Variants in PLXNA4 observed in about 807,000 individuals in gnomAD.
The protein encoded by PLXNA4 is plexin-A4.
In PLXNA4, 44 loss-of-function variants were observed where a neutral mutation model predicts 191.8. The ratio of observed to expected loss-of-function variants is 0.23; its 90% confidence interval spans 0.18 to 0.29. PLXNA4 has a LOEUF of 0.29. Ranked by LOEUF, PLXNA4 falls within the 10% of genes least tolerant of loss-of-function variation. The pLI, the probability that PLXNA4 is intolerant of heterozygous loss-of-function variation, is 1.00. For missense variants in PLXNA4, 1,800 were observed against 2,488.8 expected (o/e 0.72, Z 5.89); for synonymous variants, 1,082 against 1,009.5 (o/e 1.07, Z -1.36).
intron 3 of PLXNA4, among the ~76,000 whole-genome samples, chr7:132,370,033 A>G (rs1804366479): frequency 6.8e-6 from 1 of 147,662 alleles, no homozygotes; most frequent in Non-Finnish European, 1.5e-5. Flanking sequence ...GCACCACTGC[A>G]CTCCAGCCTG....
In PLXNA4 at chr7:132,246,156, C is replaced by T. The variant is rs117077915; in HGVS notation, c.1504-4990G>A. 1.4e-3 allele frequency among the ~76,000 whole-genome samples: 216 copies of T among 152,252 alleles called. 3 individuals are homozygous for T. In the East Asian group the frequency reaches 0.024, roughly 17 times the overall value. ...TGGACTTGACAAATTATTTCATCTT[C>T]GGCATGGCAGCATGGATATGAAAAC... On this transcript the variant is annotated intron_variant, in intron 4 of 31. Coordinates refer to ENST00000321063, the MANE Select transcript of PLXNA4 (RefSeq NM_020911.2).
At chr7:132,341,586 C>G (rs2116747750) in intron 3 of PLXNA4, among the ~76,000 whole-genome samples, 1 of 152,334 alleles carries the variant, frequency 6.6e-6, no homozygotes, top group East Asian at 1.9e-4. Flanking sequence ...GGTCAGCACA[C>G]TCACACCTTC....
intron 3 of PLXNA4, among the ~76,000 whole-genome samples, chr7:132,317,731 G>C (rs1355895621): frequency 6.6e-6 from 1 of 152,192 alleles, no homozygotes; most frequent in African/African-American, 2.4e-5. Flanking sequence ...ACCATGACCA[G>C]GTTGTGTGCA....
chr7:132,444,853 G>T (rs1372033365), intron 3 of PLXNA4, among the ~76,000 whole-genome samples: 1 of 151,928 alleles, frequency 6.6e-6, no homozygotes. Flanking sequence ...GCACTGTCAG[G>T]TGTGTTAAAA....
chr7:132,482,697 T>TC (rs1319031049), intron 3 of PLXNA4, among the ~76,000 whole-genome samples: 1 of 148,002 alleles, frequency 6.8e-6, no homozygotes, highest in East Asian at 2.0e-4. Flanking sequence ...TCGAGAAACT[T>TC]TTTTTTTTTT....
In PLXNA4 at chr7:132,626,736, A is replaced by G. The variant is rs116823109; in HGVS notation, c.-87+19192T>C. ...CAGTTCCAGGTATTTCCTTATATCA[A>G]TGCAAGAATGACCTAACACATCTGT... On this transcript the variant is annotated intron_variant, in intron 2 of 4. Transcript: ENST00000378539. Among the ~76,000 whole-genome samples, 1,287 of 152,228 alleles carry G rather than the reference A, an allele frequency of 8.5e-3. 18 individuals carry two copies. Among genetic ancestry groups the G allele is most frequent in the African/African-American group, 0.029 (1,201 of 41,540 alleles).
chr7:132,638,390 G>A (rs1320894559), intron 2 of PLXNA4, among the ~76,000 whole-genome samples: 7 of 152,178 alleles, frequency 4.6e-5, no homozygotes, highest in South Asian at 2.1e-4. Context: ...GGTGGCTCAC[G>A]CCTGTAATCC....
intron 3 of PLXNA4, among the ~76,000 whole-genome samples, chr7:132,456,111 C>CTTT (rs548680891): frequency 4.6e-5 from 6 of 129,070 alleles, no homozygotes; most frequent in Non-Finnish European, 9.7e-5. Flanking sequence ...CTCCTCTGTT[C>CTTT]TTTTTTTTTT....
intron 2 of PLXNA4, among the ~76,000 whole-genome samples, chr7:132,632,195 C>T (rs946086688): frequency 1.4e-5 from 2 of 143,772 alleles, no homozygotes; most frequent in African/African-American, 5.3e-5. Flanking sequence ...GAGATTGTAC[C>T]ACTGCACTCC....
At chr7:132,255,430 C>T (rs573648972) in intron 4 of PLXNA4, among the ~76,000 whole-genome samples, 1 of 152,298 alleles carries the variant, frequency 6.6e-6, no homozygotes, top group South Asian at 2.1e-4. Flanking sequence ...CAGCATCTGT[C>T]CTTATAGGCA....
At position 132,123,348 on chromosome 7, in the gene PLXNA4, T is replaced by A. The variant is rs1317843254; in HGVS notation, c.*7131A>T. 6.6e-6 allele frequency: 1 copy of A among 152,202 alleles called. No individual in the cohort carries two copies. The highest frequency in any genetic ancestry group is 1.5e-5 in the Non-Finnish European group (1 of 68,036). 9.4% of individuals were successfully genotyped at this position (152,202 alleles called of 1,614,324 possible). A position where few individuals can be genotyped will look rare whatever the true frequency, so the allele number is the denominator to read the frequency against. ...CACCCAAAATCCCAAACTGCATTTT[T>A]ATTATTTTTTAATAAACTTTATTCT... On this transcript the variant is annotated 3_prime_UTR_variant, in exon 32 of 32. Transcript: ENST00000321063.
At chr7:132,203,981 A>C (rs895396921) in intron 10 of PLXNA4, among the ~76,000 whole-genome samples, 1 of 152,110 alleles carries the variant, frequency 6.6e-6, no homozygotes, top group African/African-American at 2.4e-5. Flanking sequence ...GCTACACCCT[A>C]GGGGGATGAG....
chr7:132,615,164 G>C (rs78280891), intron 2 of PLXNA4, among the ~76,000 whole-genome samples: 293 of 152,330 alleles, frequency 1.9e-3, no homozygotes, highest in African/African-American at 6.4e-3. Flanking sequence ...CGGGAAGGGA[G>C]GAATCTGGGA....
At chr7:132,329,001 T>C (rs1456551315) in intron 3 of PLXNA4, among the ~76,000 whole-genome samples, 1 of 152,176 alleles carries the variant, frequency 6.6e-6, no homozygotes, top group Non-Finnish European at 1.5e-5. Context: ...AAAGCGTGGT[T>C]CTGGCACATC....
At chr7:132,151,169 A>C (rs910608593) in intron 25 of PLXNA4, among the ~76,000 whole-genome samples, 4 of 152,126 alleles carry the variant, frequency 2.6e-5, no homozygotes, top group African/African-American at 9.7e-5. Flanking sequence ...AATATCAGAA[A>C]GGTGAAAGAA....
chr7:132,630,950 C>A (rs188958574), intron 2 of PLXNA4, among the ~76,000 whole-genome samples: 2 of 152,236 alleles, frequency 1.3e-5, no homozygotes, highest in Non-Finnish European at 2.9e-5. Context: ...CTCTCCCTAA[C>A]TAAAACCCTT....
intron 3 of PLXNA4, among the ~76,000 whole-genome samples, chr7:132,355,289 G>A (rs1317677823): frequency 6.6e-6 from 1 of 152,190 alleles, no homozygotes; most frequent in African/African-American, 2.4e-5. Flanking sequence ...GTCCAAGTCT[G>A]TTCCTCCAGC....
intron 2 of PLXNA4, among the ~76,000 whole-genome samples, chr7:132,501,683 C>T (rs1798262794): frequency 6.6e-6 from 1 of 152,182 alleles, no homozygotes; most frequent in Non-Finnish European, 1.5e-5. Flanking sequence ...GTGGGCGGGC[C>T]TTTCACCTAA....
Position 132,512,961 on chromosome 7 carries a change from A to G in PLXNA4, c.-86-4182T>C, listed in dbSNP as rs561844390. ...CAAGTAATGGGACCAAATAACCTTC[A>G]CGATTGCCCCAAAGGATTCATCGAA... On this transcript the variant is annotated intron_variant, in intron 1 of 31. Coordinates refer to ENST00000321063, the MANE Select transcript of PLXNA4 (RefSeq NM_020911.2). 3.9e-5 allele frequency among the ~76,000 whole-genome samples: 6 copies of G among 152,332 alleles called. No individual in the cohort carries two copies. In the South Asian group the frequency reaches 1.0e-3, roughly 26 times the overall value.
Sources: allele counts gnomAD v4.1 joint callset (sites outside exome capture counted in the v4.1 genomes callset), GRCh38; gene constraint gnomAD v4.1.1; transcripts MANE v1.5; gene names NCBI Gene and HGNC (gene_info 2026-07-23, HGNC 2026-07-21).